Variants in TRIOBP observed in about 807,000 individuals in gnomAD.
The protein encoded by TRIOBP is TRIO and F-actin binding protein, also known as TRIO and F-actin-binding protein.
In TRIOBP, 169 loss-of-function variants were observed where a neutral mutation model predicts 238.8. The ratio of observed to expected loss-of-function variants is 0.71; its 90% confidence interval spans 0.62 to 0.80. TRIOBP has a LOEUF of 0.80. Ranked by LOEUF, TRIOBP falls within the 30% of genes least tolerant of loss-of-function variation. The probability of loss-of-function intolerance (pLI) is 0.00; values close to 1 mark genes in which losing one functional copy is unlikely to be tolerated. For synonymous variants in TRIOBP, 1,150 were observed against 1,274.4 expected, an observed-to-expected ratio of 0.90 and a Z score of 2.08; for missense variants, 2,838 against 3,122.6, an observed-to-expected ratio of 0.91 and a Z score of 2.17.
At chr22:37,746,089 G>A in intron 11 of TRIOBP, 1 of 482,862 alleles carries the variant, frequency 2.1e-6, no homozygotes, top group Non-Finnish European at 2.6e-6. Flanking sequence ...TAGCGCGCCC[G>A]TCCCGTTGCG....
chr22:37,746,051 G>GTCCCGCCA (rs1235468171), intron 11 of TRIOBP, among the ~76,000 whole-genome samples: 2 of 101,602 alleles, frequency 2.0e-5, no homozygotes, highest in Non-Finnish European at 4.0e-5. Flanking sequence ...CCACCCCGCC[G>GTCCCGCCA]TCCCGCCGTC....
chr22:37,717,289 G>C (rs1923571120), intron 6 of TRIOBP, among the ~76,000 whole-genome samples: 1 of 152,222 alleles, frequency 6.6e-6, no homozygotes. Flanking sequence ...CATAAAGGCA[G>C]TGTGGACCCA....
intron 11 of TRIOBP, among the ~76,000 whole-genome samples, chr22:37,743,968 C>T (rs963783148): frequency 6.0e-5 from 9 of 149,390 alleles, no homozygotes; most frequent in Non-Finnish European, 1.0e-4. Context: ...CTGTCTTATC[C>T]TGGGAATTCC....
At chr22:37,709,130 C>T (rs1923102697) in intron 3 of TRIOBP, among the ~76,000 whole-genome samples, 1 of 152,246 alleles carries the variant, frequency 6.6e-6, no homozygotes, top group Admixed American at 6.5e-5. Flanking sequence ...CACCAGGCCT[C>T]CCCTGGCCTG....
chr22:37,774,623 C>T lies in TRIOBP; in HGVS notation c.*843C>T, dbSNP rs1007006228. 2.0e-5 allele frequency: 3 copies of T among 152,274 alleles called. No individual in the cohort carries two copies. In the East Asian group the frequency reaches 5.8e-4, roughly 29 times the overall value. 9.4% of individuals were successfully genotyped at this position (152,274 alleles called of 1,614,324 possible). On this transcript the variant is annotated 3_prime_UTR_variant, in exon 24 of 24. Coordinates refer to ENST00000644935, the MANE Select transcript of TRIOBP (RefSeq NM_001039141.3). Reference sequence around the variant, plus strand: ...CCTTCCTAAAGCAGCGGCCTCTAGGCTTCTGAGGGTGGGGCTGAAAATCCA... The same window carrying T: ...CCTTCCTAAAGCAGCGGCCTCTAGGTTTCTGAGGGTGGGGCTGAAAATCCA...
At chr22:37,767,796 G>A (rs1926575481) in intron 18 of TRIOBP, among the ~76,000 whole-genome samples, 1 of 152,096 alleles carries the variant, frequency 6.6e-6, no homozygotes, top group South Asian at 2.1e-4. Flanking sequence ...TCCCCAGTAG[G>A]GTCCATCCAA....
rs1424124793 is a variant in TRIOBP, at chr22:37,770,091, C to T, written c.6849+716C>T. Among the ~76,000 whole-genome samples, 5 of 147,994 alleles carry T rather than the reference C, an allele frequency of 3.4e-5. No homozygotes were observed. In the East Asian group the frequency reaches 1.0e-3, roughly 30 times the overall value. On this transcript the variant is annotated intron_variant, in intron 21 of 23. Coordinates refer to ENST00000644935, the MANE Select transcript of TRIOBP (RefSeq NM_001039141.3). ...CAGAGTTTTGCTGTTGTTGCCCAGG[C>T]TACAGTGCAGTGGCGCGATCTCGGC...
chr22:37,708,777 G>A (rs1923086037), intron 3 of TRIOBP, among the ~76,000 whole-genome samples: 1 of 152,210 alleles, frequency 6.6e-6, no homozygotes, highest in Non-Finnish European at 1.5e-5. Flanking sequence ...GGAACCGGAG[G>A]AGCCAGGATG....
At chr22:37,715,994 T>C (rs1923497451) in intron 6 of TRIOBP, 60 bp downstream of exon 6, 3 of 1,593,218 alleles carry the variant, frequency 1.9e-6, no homozygotes, top group Non-Finnish European at 1.7e-6. Flanking sequence ...CAGATAGCCA[T>C]CTCACTGGCC....
At chr22:37,769,227 C>T (rs774854336) in intron 20 of TRIOBP, 35 bp from the exon 21 acceptor site, 35 of 1,603,016 alleles carry the variant, frequency 2.2e-5, no homozygotes, top group Middle Eastern at 1.7e-4. Context: ...GGGTGGGTCC[C>T]GGCACCCCTC....
intron 9 of TRIOBP, among the ~76,000 whole-genome samples, chr22:37,736,701 C>T (rs1320736231): frequency 6.6e-6 from 1 of 152,140 alleles, no homozygotes; most frequent in Admixed American, 6.5e-5. Flanking sequence ...AATCTCAGCT[C>T]ACTGCAACCT....
At chr22:37,722,427 C>CTCA (rs1923879581) in intron 6 of TRIOBP, among the ~76,000 whole-genome samples, 1 of 94,374 alleles carries the variant, frequency 1.1e-5, no homozygotes, top group South Asian at 3.2e-4. Flanking sequence ...GACTCTGTCT[C>CTCA]AAAAAAAAAA....
At position 37,725,972 on chromosome 22, in the gene TRIOBP, TC is replaced by T; in HGVS notation, c.3420del (p.Arg1141GlyfsTer72). The stretch of plus-strand genomic sequence containing the variant: ...GAGCCTTCCCTCTTATTCCAGGACC[TC>T]CCCAGGGCCAGCACAGAGAGCCTTG... ...APEPSLLFQD[L>X]PRASTESLVP... On this transcript the variant is annotated frameshift_variant, in exon 7 of 24. Transcript: ENST00000644935. LOFTEE classifies it high-confidence loss of function. 1 of 1,590,322 alleles carries T rather than the reference TC, an allele frequency of 6.3e-7. No individual in the cohort carries two copies. Among genetic ancestry groups the T allele is most frequent in the Non-Finnish European group, 8.5e-7 (1 of 1,172,294 alleles).
Position 37,715,613 on chromosome 22 carries a change from G to A in TRIOBP, c.457-150G>A, listed in dbSNP as rs901619109. The A allele has an allele frequency of 1.4e-5, 12 of 840,144 alleles. No individual in the cohort carries two copies. The East Asian group carries it at 3.2e-4, about 23-fold the overall frequency. 52.0% of individuals were successfully genotyped at this position (840,144 alleles called of 1,614,324 possible). A position where few individuals can be genotyped will look rare whatever the true frequency, so the allele number is the denominator to read the frequency against. On this transcript the variant is annotated intron_variant, in intron 5 of 23. Coordinates refer to ENST00000644935, the MANE Select transcript of TRIOBP (RefSeq NM_001039141.3). ...CCACCTCGTCCTCCCAAAGTGCTGG[G>A]ATTGCAGGCGTGAGCCACAGCGCCT...
chr22:37,754,752 C>A lies in TRIOBP; in HGVS notation c.5380-125C>A, dbSNP rs2145866002. 3.4e-6 allele frequency: 3 copies of A among 888,066 alleles called. No individual in the cohort carries two copies. In the East Asian group the frequency reaches 7.6e-5, roughly 22 times the overall value. 55.0% of individuals were successfully genotyped at this position (888,066 alleles called of 1,614,324 possible). A position where few individuals can be genotyped will look rare whatever the true frequency, so the allele number is the denominator to read the frequency against. ...GAGGCTCAGAGAGGAAATGGAGGGGCCAGGTCTCAAATTGGCATTTTCCGC... is the reference window on the plus strand; with the variant it reads ...GAGGCTCAGAGAGGAAATGGAGGGGACAGGTCTCAAATTGGCATTTTCCGC... On this transcript the variant is annotated intron_variant, in intron 12 of 23. Coordinates refer to ENST00000644935, the MANE Select transcript of TRIOBP (RefSeq NM_001039141.3).
At chr22:37,755,735 C>G (rs898137460) in intron 15 of TRIOBP, 76 bp downstream of exon 15, 2 of 1,274,160 alleles carry the variant, frequency 1.6e-6, no homozygotes, top group Non-Finnish European at 2.3e-6. Context: ...TAGGTACTCA[C>G]CTGAGGGCTG....
rs1924906818 is a variant in TRIOBP at position 37,740,975 on chromosome 22, C to T, written c.5265C>T (p.Asp1755=). 1.3e-6 allele frequency: 2 copies of T among 1,560,620 alleles called. No individual in the cohort carries two copies. Among genetic ancestry groups the T allele is most frequent in the Non-Finnish European group, 1.7e-6 (2 of 1,151,828 alleles). The part of the protein sequence containing the change: ...RLVTSWRMPG[D]RPTLFNPFLL... ...TGACCTCATGGCGGATGCCCGGGGA[C>T]CGGCCCACGCTGTTCAATCCGTTCC... Residue 1755 remains aspartate (D), a synonymous_variant, in exon 11 of 24, where the codon GAC becomes GAT. Transcript: ENST00000644935.
chr22:37,751,848 A>G lies in TRIOBP; in HGVS notation c.5379+20A>G. On this transcript the variant is annotated intron_variant, in intron 12 of 23. Transcript: ENST00000644935. ...GGAGAGGTAAGAGGACTGAGGCCGG[A>G]GGGGAGGAAGCTGGCTTGTGCTGCT... The G allele has an allele frequency of 6.9e-7, 1 of 1,446,784 alleles. No homozygotes were observed. The highest frequency in any genetic ancestry group is 9.3e-7 in the Non-Finnish European group (1 of 1,078,250). 89.6% of individuals were successfully genotyped at this position (1,446,784 alleles called of 1,614,324 possible).
chr22:37,732,903 A>G (rs1380120034), intron 7 of TRIOBP, among the ~76,000 whole-genome samples: 2 of 152,160 alleles, frequency 1.3e-5, no homozygotes, highest in Non-Finnish European at 2.9e-5. Flanking sequence ...GGTGCTCAAT[A>G]AATCTTAATT....
Sources: gnomAD v4.1 joint callset for allele counts (sites outside exome capture counted in the v4.1 genomes callset) on GRCh38, gnomAD v4.1.1 for gene constraint, MANE v1.5 for transcripts, NCBI Gene and HGNC (gene_info 2026-07-23, HGNC 2026-07-21) for gene names.